The following TES variants were observed in gnomAD, a reference collection of about 807,000 sequenced individuals.
TES encodes the protein testin.
TES carries 41 observed loss-of-function variants against 48.2 expected under a neutral mutation model. The observed-to-expected ratio is 0.85, with a 90% CI of 0.66 to 1.10. The LOEUF is 1.10. TES is among the 50% of genes least tolerant of loss of function. The pLI, the probability that TES is intolerant of heterozygous loss-of-function variation, is 0.00. For missense variants in TES, 463 were observed against 515.1 expected (o/e 0.90, Z 0.98); for synonymous variants, 162 against 174.9 (o/e 0.93, Z 0.58).
chr7:116,223,104 A>T, intron 1 of TES: 1 of 559,246 alleles, frequency 1.8e-6, no homozygotes, highest in Non-Finnish European at 2.3e-6. Flanking sequence ...AATGTTTATA[A>T]GGAACCAGCT....
rs142057704 is a variant in TES, at chr7:116,250,455, G to T, written c.661G>T (p.Ala221Ser). Residue 221 changes from alanine to serine, a missense_variant, in exon 4 of 7, where the codon GCC becomes TCC. Transcript: ENST00000358204. ...TAGAAGCACCCCAGCAGCAGTGGGG[G>T]CCATGGAGGACAAATCTGCTGAGCA... Reference protein sequence around the residue: ...GDRSTPAAVGAMEDKSAEHKR... With the variant: ...GDRSTPAAVGSMEDKSAEHKR... 1,379 of 1,584,318 alleles carry T rather than the reference G, an allele frequency of 8.7e-4. 1 individual carries two copies. The highest frequency in any genetic ancestry group is 1.7e-3 in the Admixed American group (96 of 55,470).
chr7:116,251,720 C>T, intron 4 of TES, 40 bp from the exon 5 acceptor site: 1 of 1,537,764 alleles, frequency 6.5e-7, no homozygotes, highest in Non-Finnish European at 9.0e-7. Context: ...AAATGGCAGT[C>T]TTCTAATGAC....
chr7:116,230,575 C>T (rs890241612), intron 1 of TES, among the ~76,000 whole-genome samples: 2 of 152,222 alleles, frequency 1.3e-5, no homozygotes, highest in Non-Finnish European at 2.9e-5. Context: ...TCCTCACCCT[C>T]CCCTGTTGCC....
chr7:116,248,880 T>C (rs1799962434), intron 2 of TES, 140 bp from the exon 3 acceptor site: 2 of 777,614 alleles, frequency 2.6e-6, no homozygotes, highest in Admixed American at 6.4e-5. Context: ...TGGATACTTA[T>C]TCTCCCTCCT....
At chr7:116,212,791 C>A (rs1799453977) in intron 1 of TES, among the ~76,000 whole-genome samples, 1 of 152,108 alleles carries the variant, frequency 6.6e-6, no homozygotes, top group Non-Finnish European at 1.5e-5. Flanking sequence ...GTTTATCCCC[C>A]ACTTTACTTT....
intron 2 of TES, chr7:116,243,955 G>C (rs768698330): frequency 6.6e-6 from 1 of 152,152 alleles, no homozygotes; most frequent in Non-Finnish European, 1.5e-5. Context: ...AGGGAGAAAA[G>C]CCCCTTATAA....
intron 1 of TES, among the ~76,000 whole-genome samples, chr7:116,224,359 T>A (rs1267397467): frequency 6.6e-6 from 1 of 152,178 alleles, no homozygotes; most frequent in Non-Finnish European, 1.5e-5. Flanking sequence ...ATCTAGAAAT[T>A]CAGTGATTTG....
chr7:116,234,625 G>A lies in TES; in HGVS notation c.113+6G>A, dbSNP rs747582778. The A allele has an allele frequency of 2.5e-6, 4 of 1,612,560 alleles. No homozygotes were observed. In the East Asian group the frequency reaches 8.9e-5, roughly 36 times the overall value. On this transcript the variant is annotated splice_donor_region_variant and intron_variant, in intron 2 of 6. Coordinates refer to ENST00000358204, the MANE Select transcript of TES (RefSeq NM_015641.4). The stretch of plus-strand genomic sequence containing the variant: ...TTCGAACTGCACTTCTGGAGGTATT[G>A]TTTTGAAAACTGCAACCACATTAGT...
intron 6 of TES, chr7:116,252,873 C>G (rs1226980619): frequency 5.3e-6 from 1 of 188,672 alleles, no homozygotes; most frequent in African/African-American, 2.4e-5. Flanking sequence ...ATTGGACCAC[C>G]CACTGGAATT....
chr7:116,230,242 GCT>G (rs1241993567), intron 1 of TES, among the ~76,000 whole-genome samples: 4 of 152,234 alleles, frequency 2.6e-5, no homozygotes, highest in African/African-American at 4.8e-5. Context: ...TCACTTACTT[GCT>G]CTCTGTCTGT....
intron 2 of TES, among the ~76,000 whole-genome samples, chr7:116,245,642 A>G (rs1233866301): frequency 1.3e-5 from 2 of 152,180 alleles, no homozygotes; most frequent in Non-Finnish European, 2.9e-5. Context: ...GCTATTACCC[A>G]GTTCCAAAAT....
chr7:116,246,467 C>T (rs188671996), intron 2 of TES, among the ~76,000 whole-genome samples: 15 of 152,356 alleles, frequency 9.8e-5, no homozygotes, highest in African/African-American at 3.6e-4. Context: ...TTTGCTGCTT[C>T]CTGATTGCTC....
At chr7:116,220,756 G>A (rs563542918) in intron 1 of TES, among the ~76,000 whole-genome samples, 4 of 152,210 alleles carry the variant, frequency 2.6e-5, no homozygotes, top group Middle Eastern at 3.4e-3. Flanking sequence ...TGGCCCTGGC[G>A]TTTATTAGCT....
rs1786661000 is a variant in TES at position 116,257,584 on chromosome 7, G to A, written c.*102G>A. ...AAAATAAAACGCAAAAAAAGAAACT[G>A]TAAAGGAAACCAAGAGATTTTGTTT... On this transcript the variant is annotated 3_prime_UTR_variant, in exon 7 of 7. Transcript: ENST00000358204. 2 of 1,088,430 alleles carry A rather than the reference G, an allele frequency of 1.8e-6. No homozygotes were observed. The highest frequency in any genetic ancestry group is 3.1e-5 in the East Asian group (1 of 32,012). The allele number at this position is 1,088,430 out of a possible 1,614,324, so 67.4% of individuals were successfully genotyped here.
intron 2 of TES, among the ~76,000 whole-genome samples, chr7:116,235,695 T>TA (rs1477157686): frequency 2.0e-5 from 3 of 152,216 alleles, no homozygotes; most frequent in Non-Finnish European, 4.4e-5. Context: ...AAAATAAAGA[T>TA]AACTATACAG....
chr7:116,234,693 CT>C, intron 2 of TES, 74 bp downstream of exon 2: 4 of 1,217,290 alleles, frequency 3.3e-6, no homozygotes, highest in Non-Finnish European at 4.9e-6. Flanking sequence ...GTGGAGATAT[CT>C]TCGAGTTCTC....
rs757054863 is a variant in TES, at chr7:116,252,484, G to T, written c.1077+8G>T. ...GTGAAGAATCACGCTGTGGTGAGAA[G>T]TGTTCTAAGGATATGGTTGCCTCAG... On this transcript the variant is annotated splice_region_variant and intron_variant, in intron 6 of 6. Transcript: ENST00000358204. The T allele has an allele frequency of 6.2e-7, 1 of 1,614,222 alleles. No individual in the cohort carries two copies. Among genetic ancestry groups the T allele is most frequent in the African/African-American group, 1.3e-5 (1 of 75,070 alleles).
intron 2 of TES, among the ~76,000 whole-genome samples, chr7:116,245,936 G>T (rs1360149262): frequency 6.6e-6 from 1 of 152,086 alleles, no homozygotes; most frequent in African/African-American, 2.4e-5. Context: ...AAAACCATCA[G>T]CTCTCAAGAG....
intron 1 of TES, among the ~76,000 whole-genome samples, chr7:116,225,103 G>A (rs1026074437): frequency 4.7e-5 from 7 of 150,110 alleles, no homozygotes; most frequent in Non-Finnish European, 7.4e-5. Context: ...TTTAACAAAC[G>A]GTGGTTGAGG....
Sources: gnomAD v4.1 joint callset for allele counts (sites outside exome capture counted in the v4.1 genomes callset) on GRCh38, gnomAD v4.1.1 for gene constraint, MANE v1.5 for transcripts, NCBI Gene and HGNC (gene_info 2026-07-23, HGNC 2026-07-21) for gene names.